HDAC9: variants seen among roughly 807,000 people sequenced by gnomAD.
HDAC9 encodes the protein MEF-2 interacting transcription repressor (MITR) protein.
Under a neutral mutation model 139.4 loss-of-function variants are expected in HDAC9, and 41 were observed. The observed-to-expected ratio is 0.29, with a 90% CI of 0.23 to 0.38. The LOEUF is 0.38. Ranked by LOEUF, HDAC9 falls within the 10% of genes least tolerant of loss-of-function variation. The pLI, the probability that HDAC9 is intolerant of heterozygous loss-of-function variation, is 1.00. For missense variants in HDAC9, 1,147 were observed against 1,297.0 expected (o/e 0.88, Z 1.78); for synonymous variants, 517 against 476.2 (o/e 1.09, Z -1.12).
At chr7:18,918,347 G>A (rs1377399078) in intron 22 of HDAC9, among the ~76,000 whole-genome samples, 1 of 151,630 alleles carries the variant, frequency 6.6e-6, no homozygotes, top group East Asian at 1.9e-4. Flanking sequence ...GGGGATGGAG[G>A]GGAAAGGGGG....
At chr7:18,316,232 C>CT (rs1799626542) in intron 1 of HDAC9, among the ~76,000 whole-genome samples, 2 of 152,244 alleles carry the variant, frequency 1.3e-5, no homozygotes, top group Admixed American at 1.3e-4. Context: ...AAGGGCCACA[C>CT]TTTGAGTCAC....
chr7:18,667,478 CAA>C (rs550099867), intron 12 of HDAC9: 1 of 984,244 alleles, frequency 1.0e-6, no homozygotes, highest in Admixed American at 6.2e-5. Context: ...ATAGGTTTAA[CAA>C]AAAAATTTAC....
At chr7:18,349,311 C>G (rs1442574286) in intron 1 of HDAC9, among the ~76,000 whole-genome samples, 5 of 21,466 alleles carry the variant, frequency 2.3e-4, no homozygotes. Flanking sequence ...AACATCTACA[C>G]ACACACACAC....
At chr7:18,199,325 A>T (rs1790940259) in intron 2 of HDAC9, among the ~76,000 whole-genome samples, 1 of 152,192 alleles carries the variant, frequency 6.6e-6, no homozygotes, top group Admixed American at 6.5e-5. Flanking sequence ...TGTGAAGTTT[A>T]ATAATTTATC....
rs1034829439 is a variant in HDAC9, at chr7:18,442,050, G to C, written c.-41-54212G>C. ...CTCCCAAAGTGCTAGGATTACAGAC[G>C]TGAGCCCCTGTGCCCGGCTGGGACT... On this transcript the variant is annotated intron_variant, in intron 1 of 3. Transcript: ENST00000413509. Among the ~76,000 whole-genome samples, 3 of 152,266 alleles carry C rather than the reference G, an allele frequency of 2.0e-5. No individual in the cohort carries two copies. In the East Asian group the frequency reaches 5.8e-4, roughly 29 times the overall value.
rs140628469 is a variant in HDAC9, at chr7:18,683,139, G to A, written c.1731+16663G>A. On this transcript the variant is annotated intron_variant, in intron 12 of 25. Transcript: ENST00000686413. ...TTTTTACAAAAAACGAATAACAATA[G>A]TGAAAGTAATTGTGCAATTTCAAAT... Among the ~76,000 whole-genome samples, 599 of 152,022 alleles carry A rather than the reference G, an allele frequency of 3.9e-3. 3 individuals carry two copies. The highest frequency in any genetic ancestry group is 0.02 in the Middle Eastern group (6 of 294).
chr7:18,573,212 A>G (rs960610653), intron 2 of HDAC9, among the ~76,000 whole-genome samples: 1 of 152,238 alleles, frequency 6.6e-6, no homozygotes, highest in Non-Finnish European at 1.5e-5. Context: ...CTTGAACAGA[A>G]TCACTGTGAG....
At chr7:18,829,013 TG>T in intron 17 of HDAC9, 147 bp from the exon 18 acceptor site, 1 of 666,556 alleles carries the variant, frequency 1.5e-6, no homozygotes, top group Non-Finnish European at 2.8e-6. Flanking sequence ...TGACTGGCAA[TG>T]GGGGAACAAA....
intron 21 of HDAC9, among the ~76,000 whole-genome samples, chr7:18,836,751 C>A (rs1232622974): frequency 6.6e-6 from 1 of 152,078 alleles, no homozygotes; most frequent in Non-Finnish European, 1.5e-5. Flanking sequence ...GTTAGTCTTT[C>A]TTCAGAAGCC....
chr7:18,804,366 C>A (rs150710277), intron 17 of HDAC9, among the ~76,000 whole-genome samples: 1 of 152,152 alleles, frequency 6.6e-6, no homozygotes, highest in Admixed American at 6.6e-5. Flanking sequence ...TGCATGTACA[C>A]GTCCACCCTC....
chr7:18,903,471 T>A (rs533019148), intron 22 of HDAC9, among the ~76,000 whole-genome samples: 1 of 152,332 alleles, frequency 6.6e-6, no homozygotes, highest in South Asian at 2.1e-4. Flanking sequence ...ATCTTTCAAA[T>A]AGACATCCAG....
In HDAC9 at chr7:18,895,528, A is replaced by G. The variant is rs181629648; in HGVS notation, c.2803+20932A>G. Among the ~76,000 whole-genome samples, 41 of 152,258 alleles carry G rather than the reference A, an allele frequency of 2.7e-4. 1 individual carries two copies. The East Asian group carries it at 7.9e-3, about 29-fold the overall frequency. ...TCAAAAGGACGAGAGCATGATTACA[A>G]AAGTGAGTCACTAAATCCTATTCTA... is the stretch of plus-strand genomic sequence containing the variant. On this transcript the variant is annotated intron_variant, in intron 22 of 25. Transcript: ENST00000686413.
At chr7:18,563,100 A>T (rs529373850) in intron 2 of HDAC9, among the ~76,000 whole-genome samples, 15 of 152,208 alleles carry the variant, frequency 9.9e-5, no homozygotes, top group South Asian at 2.1e-4. Flanking sequence ...TTGACAGAAA[A>T]CTTTTGTGAT....
At chr7:18,662,788 C>T (rs1793618347) in intron 11 of HDAC9, among the ~76,000 whole-genome samples, 1 of 152,030 alleles carries the variant, frequency 6.6e-6, no homozygotes, top group Non-Finnish European at 1.5e-5. Context: ...AGTAAATTAA[C>T]TAGAAAAGTG....
Position 18,732,907 on chromosome 7 carries a change from G to GTA in HDAC9, c.1909+5150_1909+5151insTA, listed in dbSNP as rs1562893514. 5.4e-3 allele frequency among the ~76,000 whole-genome samples: 468 copies of GTA among 87,452 alleles called. 49 individuals carry two copies. The highest frequency in any genetic ancestry group is 0.011 in the African/African-American group (140 of 12,580). The allele number at this position is 87,452 out of a possible 152,430, so 57.4% of individuals were successfully genotyped here. On this transcript the variant is annotated intron_variant, in intron 13 of 25. Transcript: ENST00000686413. ...TGCGTATGTGTACACACACACGTGT[G>GTA]CGTATGTGTATACACACGTGTGTAT...
intron 23 of HDAC9, among the ~76,000 whole-genome samples, chr7:18,948,277 A>C (rs962428398): frequency 2.6e-5 from 4 of 152,088 alleles, no homozygotes; most frequent in African/African-American, 7.2e-5. Flanking sequence ...TAAATCTTTC[A>C]CTATTTACAG....
chr7:18,137,809 G>A (rs1444526645), intron 1 of HDAC9, among the ~76,000 whole-genome samples: 1 of 152,172 alleles, frequency 6.6e-6, no homozygotes, highest in African/African-American at 2.4e-5. Context: ...TCAGAATGAT[G>A]CTGGCCTCAT....
At chr7:18,748,131 G>C (rs1788140096) in intron 13 of HDAC9, among the ~76,000 whole-genome samples, 2 of 152,132 alleles carry the variant, frequency 1.3e-5, no homozygotes, top group African/African-American at 2.4e-5. Context: ...TTTATGGGTA[G>C]AAATCTTCTT....
At chr7:18,720,911 G>T (rs1785098612) in intron 12 of HDAC9, among the ~76,000 whole-genome samples, 1 of 151,982 alleles carries the variant, frequency 6.6e-6, no homozygotes, top group Admixed American at 6.6e-5. Flanking sequence ...GAACTCCTGG[G>T]CTCAAGCATT....
Sources: gnomAD v4.1 joint callset for allele counts (sites outside exome capture counted in the v4.1 genomes callset) on GRCh38, gnomAD v4.1.1 for gene constraint, MANE v1.5 for transcripts, NCBI Gene and HGNC (gene_info 2026-07-23, HGNC 2026-07-21) for gene names.